PDE10A: variants seen among roughly 807,000 people sequenced by gnomAD.
The protein encoded by PDE10A is phosphodiesterase 10A.
A neutral mutation model predicts 97.7 loss-of-function variants in PDE10A; 39 were observed. The observed-to-expected ratio is 0.40, with a 90% CI of 0.31 to 0.52. PDE10A has a LOEUF of 0.52. PDE10A is among the 20% of genes least tolerant of loss of function. The pLI is 0.56. For synonymous variants in PDE10A, 371 were observed against 376.8 expected, an observed-to-expected ratio of 0.98 and a Z score of 0.18; for missense variants, 731 against 1,047.8, an observed-to-expected ratio of 0.70 and a Z score of 4.17.
At position 165,343,382 on chromosome 6, in the gene PDE10A, A is replaced by G. The variant is rs1454099301; in HGVS notation, c.2895+9T>C. ...ACTATCTATGTCAATATAAGAATCA[A>G]GGACATACCTCAGCCCAGAATTCTG... On this transcript the variant is annotated intron_variant, in intron 19 of 21. Coordinates refer to ENST00000539869, the MANE Select transcript of PDE10A (RefSeq NM_001385079.1). The G allele has an allele frequency of 1.1e-5, 17 of 1,560,500 alleles. No homozygotes were observed. The highest frequency in any genetic ancestry group is 1.7e-5 in the Admixed American group (1 of 59,934).
At chr6:165,877,089 T>G (rs2128479841) in intron 1 of PDE10A, among the ~76,000 whole-genome samples, 1 of 152,344 alleles carries the variant, frequency 6.6e-6, no homozygotes, top group East Asian at 1.9e-4. Flanking sequence ...AAAAACAATT[T>G]AATTATTACT....
intron 1 of PDE10A, among the ~76,000 whole-genome samples, chr6:165,786,773 G>A (rs1433972926): frequency 6.6e-6 from 1 of 152,092 alleles, no homozygotes; most frequent in Non-Finnish European, 1.5e-5. Flanking sequence ...ACTCTAAATG[G>A]ATCAACTTGT....
intron 1 of PDE10A, among the ~76,000 whole-genome samples, chr6:165,619,447 G>C (rs1193563278): frequency 6.9e-5 from 4 of 58,138 alleles, no homozygotes; most frequent in East Asian, 5.3e-4. Context: ...GTGTAGTATA[G>C]TCTAGTGTAG....
At chr6:165,987,346 CCAAA>C (rs573462329) in intron 1 of PDE10A, among the ~76,000 whole-genome samples, 29 of 152,250 alleles carry the variant, frequency 1.9e-4, no homozygotes, top group African/African-American at 5.5e-4. Context: ...ACCCTTTCCC[CCAAA>C]CAGTCACCTC....
At chr6:165,931,658 T>C (rs1783138479) in intron 1 of PDE10A, among the ~76,000 whole-genome samples, 1 of 152,218 alleles carries the variant, frequency 6.6e-6, no homozygotes, top group African/African-American at 2.4e-5. Context: ...GCATCTGATA[T>C]TTGTATTCCT....
At chr6:165,871,297 TA>T (rs1297018130) in intron 1 of PDE10A, among the ~76,000 whole-genome samples, 1 of 152,210 alleles carries the variant, frequency 6.6e-6, no homozygotes, top group African/African-American at 2.4e-5. Flanking sequence ...TTGTGCTGAA[TA>T]AAAACTTTAT....
chr6:165,944,278 G>C (rs1783687385), intron 1 of PDE10A, among the ~76,000 whole-genome samples: 1 of 152,112 alleles, frequency 6.6e-6, no homozygotes, highest in Non-Finnish European at 1.5e-5. Flanking sequence ...ATGAGATTTG[G>C]GTGGGGACAC....
intron 3 of PDE10A, among the ~76,000 whole-genome samples, chr6:165,460,488 C>T (rs1474823667): frequency 1.3e-5 from 2 of 152,100 alleles, no homozygotes; most frequent in African/African-American, 4.8e-5. Context: ...AATCAAATTG[C>T]TGATAAACGT....
rs1268890984 is a variant in PDE10A at position 165,526,825 on chromosome 6, C to T, written c.994+16615G>A. Among the ~76,000 whole-genome samples, 4 of 152,202 alleles carry T rather than the reference C, an allele frequency of 2.6e-5. No individual in the cohort carries two copies. In the East Asian group the frequency reaches 7.7e-4, roughly 29 times the overall value. ...ATAAGGCCCAGCAGAAGCAATCTGA[C>T]TTCAGCTGGCAAAGCCAGCAATATA... On this transcript the variant is annotated intron_variant, in intron 2 of 21. Transcript: ENST00000539869.
intron 1 of PDE10A, among the ~76,000 whole-genome samples, chr6:165,645,239 T>C (rs531746604): frequency 2.0e-5 from 3 of 152,326 alleles, no homozygotes; most frequent in South Asian, 2.1e-4. Context: ...GGCTGCCTTC[T>C]GTCCTCCTGA....
intron 1 of PDE10A, among the ~76,000 whole-genome samples, chr6:165,870,133 G>C (rs1190221693): frequency 6.6e-6 from 1 of 152,038 alleles, no homozygotes; most frequent in African/African-American, 2.4e-5. Flanking sequence ...GCACTGCCAG[G>C]AAAAAATCAA....
intron 1 of PDE10A, among the ~76,000 whole-genome samples, chr6:165,705,639 A>G (rs564902447): frequency 6.6e-6 from 1 of 152,344 alleles, no homozygotes; most frequent in East Asian, 1.9e-4. Context: ...CAGCTGGAAA[A>G]TTATTCATAC....
At chr6:165,619,144 CTAGTGTCGTG>C (rs1787893319) in intron 1 of PDE10A, among the ~76,000 whole-genome samples, 1 of 99,012 alleles carries the variant, frequency 1.0e-5, no homozygotes. Context: ...GTAGTGTAGT[CTAGTGTCGTG>C]TAGTGTAGTG....
Position 165,388,249 on chromosome 6 carries a change from T to C in PDE10A, c.2610+49A>G. On this transcript the variant is annotated intron_variant, in intron 17 of 21. Transcript: ENST00000539869. The surrounding 1 kb of genome is among the most constrained non-coding windows in gnomAD (Gnocchi z 4.0). ...TTTCCACCTATGAAGTATCCCTATC[T>C]CCCAGACAGCCCTTCAGACTAAGCG... 6.3e-7 allele frequency: 1 copy of C among 1,579,862 alleles called. No homozygotes were observed. The highest frequency in any genetic ancestry group is 8.7e-7 in the Non-Finnish European group (1 of 1,150,492).
intron 1 of PDE10A, among the ~76,000 whole-genome samples, chr6:165,882,927 A>T (rs116756793): frequency 2.0e-5 from 3 of 152,148 alleles, no homozygotes; most frequent in African/African-American, 7.2e-5. Flanking sequence ...CTCACCTATC[A>T]CAATTAGAAA....
At chr6:165,807,451 C>A (rs757597987) in intron 1 of PDE10A, among the ~76,000 whole-genome samples, 4 of 152,104 alleles carry the variant, frequency 2.6e-5, no homozygotes, top group Admixed American at 2.6e-4. Flanking sequence ...GCACAGCACA[C>A]CAGGATTACA....
chr6:165,696,340 T>G (rs1026444351), intron 1 of PDE10A, among the ~76,000 whole-genome samples: 5 of 152,218 alleles, frequency 3.3e-5, no homozygotes, highest in Admixed American at 6.5e-5. Context: ...TCGTAAATTT[T>G]AAATCTCACA....
At chr6:165,643,800 A>G (rs1304333941) in intron 1 of PDE10A, among the ~76,000 whole-genome samples, 2 of 152,214 alleles carry the variant, frequency 1.3e-5, no homozygotes, top group African/African-American at 4.8e-5. Flanking sequence ...ATGGTTAATA[A>G]TGACATCTTA....
At chr6:165,486,061 G>C (rs1263686898) in intron 2 of PDE10A, among the ~76,000 whole-genome samples, 1 of 152,198 alleles carries the variant, frequency 6.6e-6, no homozygotes, top group African/African-American at 2.4e-5. Context: ...AACGTAACTA[G>C]AGGAATTAAT....
Sources: allele counts gnomAD v4.1 joint callset (sites outside exome capture counted in the v4.1 genomes callset), GRCh38; gene constraint gnomAD v4.1.1; non-coding constraint Gnocchi (gnomAD v3.1); transcripts MANE v1.5; gene names NCBI Gene and HGNC (gene_info 2026-07-23, HGNC 2026-07-21).